Variants in GPR39 observed in about 807,000 individuals in gnomAD.
The protein encoded by GPR39 is zinc sensing receptor.
In GPR39, 23 loss-of-function variants were observed where a neutral mutation model predicts 18.4. The observed-to-expected ratio is 1.25, with a 90% CI of 0.90 to 1.77. The LOEUF is 1.77. Among genes scored for constraint, GPR39 ranks in the 40% most tolerant of loss-of-function variants. The pLI is 0.00. For synonymous variants in GPR39, 280 were observed against 257.9 expected (o/e 1.09, Z -0.82); for missense variants, 647 against 602.4 (o/e 1.07, Z -0.78).
chr2:132,462,569 CA>C (rs1359492526), intron 1 of GPR39, among the ~76,000 whole-genome samples: 1 of 152,192 alleles, frequency 6.6e-6, no homozygotes, highest in Non-Finnish European at 1.5e-5. Flanking sequence ...ACCACAATGA[CA>C]AGAACTGCTT....
At chr2:132,438,063 A>G (rs2104763135) in intron 1 of GPR39, among the ~76,000 whole-genome samples, 1 of 152,360 alleles carries the variant, frequency 6.6e-6, no homozygotes, top group Admixed American at 6.5e-5. Flanking sequence ...TTGGGGTTTC[A>G]GGGAAGGGAC....
At chr2:132,645,034 C>T (rs1131671) in intron 1 of GPR39, 67 bp from the exon 2 acceptor site, 719,953 of 1,510,168 alleles carry the variant, frequency 0.48, 172,964 homozygotes, top group African/African-American at 0.54. Flanking sequence ...TGGTTTTATT[C>T]ATTTACTGTG....
At chr2:132,635,355 G>A (rs1558866304) in intron 1 of GPR39, among the ~76,000 whole-genome samples, 1 of 152,198 alleles carries the variant, frequency 6.6e-6, no homozygotes. Context: ...TTCTAGTCTA[G>A]TTTATACTGC....
intron 1 of GPR39, among the ~76,000 whole-genome samples, chr2:132,568,002 G>A (rs917007785): frequency 6.6e-6 from 1 of 152,070 alleles, no homozygotes; most frequent in Non-Finnish European, 1.5e-5. Flanking sequence ...TCTTCCTTTT[G>A]TAAATTGCCC....
chr2:132,426,328 G>A (rs1421906222), intron 1 of GPR39, among the ~76,000 whole-genome samples: 1 of 152,202 alleles, frequency 6.6e-6, no homozygotes, highest in East Asian at 1.9e-4. Flanking sequence ...GAGTCCCACT[G>A]GCTGGATTTT....
intron 1 of GPR39, among the ~76,000 whole-genome samples, chr2:132,446,019 G>T (rs943176343): frequency 6.6e-6 from 1 of 152,062 alleles, no homozygotes; most frequent in African/African-American, 2.4e-5. Flanking sequence ...TGAGGAAGGG[G>T]GTGAAGTGCA....
At chr2:132,485,261 A>G (rs907601509) in intron 1 of GPR39, among the ~76,000 whole-genome samples, 1 of 152,218 alleles carries the variant, frequency 6.6e-6, no homozygotes, top group Non-Finnish European at 1.5e-5. Context: ...AAAATTGCTA[A>G]TGATCATCTG....
chr2:132,624,673 A>T (rs1681509551), intron 1 of GPR39, among the ~76,000 whole-genome samples: 1 of 152,210 alleles, frequency 6.6e-6, no homozygotes, highest in South Asian at 2.1e-4. Context: ...TACAAAATCA[A>T]ACAAAATGTA....
chr2:132,644,794 GCAAA>G lies in GPR39; in HGVS notation c.857-300_857-297del, dbSNP rs59022117. On this transcript the variant is annotated intron_variant, in intron 1 of 1. Coordinates refer to ENST00000329321, the MANE Select transcript of GPR39 (RefSeq NM_001508.3). ...ATAACATGAACTGCTTTCTGGATAC[GCAAA>G]CAAACACCAATGAAAACATTTTTTT... The G allele has an allele frequency of 7.9e-3, 2,503 of 316,856 alleles. 38 individuals are homozygous for G. The highest frequency in any genetic ancestry group is 0.035 in the African/African-American group (1,622 of 46,100). 19.6% of individuals were successfully genotyped at this position (316,856 alleles called of 1,614,324 possible).
intron 1 of GPR39, among the ~76,000 whole-genome samples, chr2:132,498,767 A>T (rs1681696818): frequency 6.6e-6 from 1 of 152,124 alleles, no homozygotes; most frequent in South Asian, 2.1e-4. Context: ...TTCTTGCAGG[A>T]GCAAGGTGTA....
At chr2:132,557,859 C>T (rs1408856662) in intron 1 of GPR39, among the ~76,000 whole-genome samples, 2 of 152,110 alleles carry the variant, frequency 1.3e-5, no homozygotes, top group African/African-American at 2.4e-5. Flanking sequence ...TCCCCCATGC[C>T]GCCCGGGGGG....
chr2:132,572,912 A>C (rs557912979), intron 1 of GPR39, among the ~76,000 whole-genome samples: 3 of 152,342 alleles, frequency 2.0e-5, no homozygotes, highest in Admixed American at 2.0e-4. Context: ...GACTGGTCAC[A>C]TGCCCATCTG....
chr2:132,636,628 C>T (rs1681760590), intron 1 of GPR39, among the ~76,000 whole-genome samples: 1 of 152,176 alleles, frequency 6.6e-6, no homozygotes, highest in South Asian at 2.1e-4. Flanking sequence ...AATTTGGGCA[C>T]CTCCTTCCAC....
intron 1 of GPR39, among the ~76,000 whole-genome samples, chr2:132,448,351 G>A (rs919438716): frequency 2.0e-5 from 3 of 152,166 alleles, no homozygotes; most frequent in Non-Finnish European, 2.9e-5. Context: ...GTAATTGATG[G>A]CTAGAAAACA....
intron 1 of GPR39, among the ~76,000 whole-genome samples, chr2:132,541,687 C>T (rs1679864310): frequency 6.6e-6 from 1 of 152,084 alleles, no homozygotes. Context: ...GCACTTTCTG[C>T]CTCATTGATT....
chr2:132,612,885 A>T (rs1195308693), intron 1 of GPR39, among the ~76,000 whole-genome samples: 1 of 152,248 alleles, frequency 6.6e-6, no homozygotes, highest in Non-Finnish European at 1.5e-5. Flanking sequence ...TCTAAAATCT[A>T]TCTAGGAGGA....
At chr2:132,623,418 AAAG>A (rs1442851965) in intron 1 of GPR39, among the ~76,000 whole-genome samples, 1 of 152,234 alleles carries the variant, frequency 6.6e-6, no homozygotes, top group African/African-American at 2.4e-5. Flanking sequence ...GAGGGACAGT[AAAG>A]AAGAGTAAGA....
intron 1 of GPR39, among the ~76,000 whole-genome samples, chr2:132,609,550 C>A (rs1309786417): frequency 6.6e-6 from 1 of 152,130 alleles, no homozygotes; most frequent in Non-Finnish European, 1.5e-5. Flanking sequence ...GCTTCCTAGG[C>A]AGGGATGCAA....
intron 1 of GPR39, among the ~76,000 whole-genome samples, chr2:132,613,346 G>A (rs183343197): frequency 5.3e-5 from 8 of 152,270 alleles, no homozygotes; most frequent in Non-Finnish European, 1.2e-4. Flanking sequence ...GATTTTTTAT[G>A]TGCCTCTACA....
Sources: allele counts gnomAD v4.1 joint callset (sites outside exome capture counted in the v4.1 genomes callset), GRCh38; gene constraint gnomAD v4.1.1; transcripts MANE v1.5; gene names NCBI Gene and HGNC (gene_info 2026-07-23, HGNC 2026-07-21).